The following TMEM132D variants were observed in gnomAD, a reference collection of about 807,000 sequenced individuals.
The protein encoded by TMEM132D is transmembrane protein 132D, also known as mature OL transmembrane protein.
In TMEM132D, 21 loss-of-function variants were observed where a neutral mutation model predicts 62.3. That is an observed-to-expected ratio of 0.34 (90% confidence interval 0.24 to 0.49). The LOEUF (loss-of-function observed/expected upper bound fraction) is 0.49, where lower values mean the gene tolerates loss of function less well. TMEM132D is among the 20% of genes least tolerant of loss of function. The pLI, the probability that TMEM132D is intolerant of heterozygous loss-of-function variation, is 0.99. For synonymous variants in TMEM132D, 621 were observed against 575.6 expected (o/e 1.08, Z -1.13); for missense variants, 1,346 against 1,402.8 (o/e 0.96, Z 0.65).
chr12:129,139,720 G>A (rs562624149), intron 5 of TMEM132D, among the ~76,000 whole-genome samples: 58 of 152,166 alleles, frequency 3.8e-4, no homozygotes, highest in African/African-American at 1.3e-3. Flanking sequence ...GAGACAGGAC[G>A]TTGCTCTGTT....
chr12:129,854,872 C>A (rs1873668390), intron 1 of TMEM132D: 1 of 152,270 alleles, frequency 6.6e-6, no homozygotes, highest in Non-Finnish European at 1.5e-5. Context: ...GACTGTGCTG[C>A]CTTACTGAAA....
chr12:129,465,038 T>C (rs1301517310), intron 3 of TMEM132D, among the ~76,000 whole-genome samples: 2 of 151,746 alleles, frequency 1.3e-5, no homozygotes, highest in Admixed American at 6.6e-5. Context: ...GGGGATGGCA[T>C]TGAATCTATT....
At chr12:129,335,639 A>C (rs1171822849) in intron 4 of TMEM132D, among the ~76,000 whole-genome samples, 1 of 152,208 alleles carries the variant, frequency 6.6e-6, no homozygotes, top group Non-Finnish European at 1.5e-5. Context: ...AACAGGTACT[A>C]AGATGAGGGA....
In TMEM132D at chr12:129,786,662, G is replaced by A. The variant is rs555554587; in HGVS notation, c.80-85964C>T. Among the ~76,000 whole-genome samples the A allele has an allele frequency of 2.4e-4, 37 of 152,306 alleles. No individual in the cohort carries two copies. The East Asian group carries it at 6.4e-3, about 26-fold the overall frequency. ...CCCCAGCACTCTGGGAGGCCAAGGC[G>A]GGCAGATCACCTGAGGTCGGGAGTT... On this transcript the variant is annotated intron_variant, in intron 1 of 8. Transcript: ENST00000422113.
chr12:129,681,629 T>A lies in TMEM132D; in HGVS notation c.968+18181A>T, dbSNP rs1262399897. Reference sequence around the variant, plus strand: ...AAAAGTCAAAGCTTCCTTTGATCTATCCTCAGAAGCTCCAGATCATCACTT... The same window carrying A: ...AAAAGTCAAAGCTTCCTTTGATCTAACCTCAGAAGCTCCAGATCATCACTT... On this transcript the variant is annotated intron_variant, in intron 2 of 8. Coordinates refer to ENST00000422113, the MANE Select transcript of TMEM132D (RefSeq NM_133448.3). 2.0e-5 allele frequency: 3 copies of A among 152,232 alleles called. No homozygotes were observed. In the East Asian group the frequency reaches 5.8e-4, roughly 29 times the overall value. The allele number at this position is 152,232 out of a possible 1,614,324, so 9.4% of individuals were successfully genotyped here.
At chr12:129,327,201 C>G (rs1470445016) in intron 4 of TMEM132D, among the ~76,000 whole-genome samples, 1 of 152,100 alleles carries the variant, frequency 6.6e-6, no homozygotes, top group African/African-American at 2.4e-5. Flanking sequence ...TGAATTCAAG[C>G]AGAAGCCAGT....
intron 1 of TMEM132D, among the ~76,000 whole-genome samples, chr12:129,819,638 T>A (rs1872488321): frequency 6.6e-6 from 1 of 152,100 alleles, no homozygotes; most frequent in Non-Finnish European, 1.5e-5. Flanking sequence ...GAAACGGGGA[T>A]GAAATTAGCC....
At chr12:129,522,122 T>A (rs1875866885) in intron 3 of TMEM132D, among the ~76,000 whole-genome samples, 1 of 152,130 alleles carries the variant, frequency 6.6e-6, no homozygotes, top group African/African-American at 2.4e-5. Context: ...TGTCAGTTAG[T>A]CACCAGGGTT....
At chr12:129,180,191 G>A (rs759151449) in intron 5 of TMEM132D, among the ~76,000 whole-genome samples, 1 of 150,738 alleles carries the variant, frequency 6.6e-6, no homozygotes, top group African/African-American at 2.4e-5. Flanking sequence ...CAGTGCATTC[G>A]TAAGCAGCAC....
intron 5 of TMEM132D, among the ~76,000 whole-genome samples, chr12:129,168,826 C>G (rs11060178): frequency 0.099 from 15,019 of 152,154 alleles, 852 homozygotes; most frequent in South Asian, 0.11. Context: ...GGGAATCACC[C>G]TTGGTTGAGA....
chr12:129,620,751 T>G (rs904391894), intron 2 of TMEM132D, among the ~76,000 whole-genome samples: 1 of 152,042 alleles, frequency 6.6e-6, no homozygotes, highest in African/African-American at 2.4e-5. Context: ...TGTTCTCACT[T>G]AAAAGTGGGA....
chr12:129,464,302 G>A lies in TMEM132D; in HGVS notation c.1115+66757C>T, dbSNP rs527775759. On this transcript the variant is annotated intron_variant, in intron 3 of 8. Coordinates refer to ENST00000422113, the MANE Select transcript of TMEM132D (RefSeq NM_133448.3). Reference sequence around the variant, plus strand: ...TGAGAAGTGTCTGTTCATATCCTTCGCCCACTTTTTGATGGGGTTGTTTTT... The same window carrying A: ...TGAGAAGTGTCTGTTCATATCCTTCACCCACTTTTTGATGGGGTTGTTTTT... 1.4e-3 allele frequency among the ~76,000 whole-genome samples: 220 copies of A among 152,210 alleles called. 3 individuals carry two copies. The highest frequency in any genetic ancestry group is 3.3e-3 in the South Asian group (16 of 4,824).
At chr12:129,360,613 C>T (rs1870214223) in intron 3 of TMEM132D, among the ~76,000 whole-genome samples, 1 of 151,462 alleles carries the variant, frequency 6.6e-6, no homozygotes, top group Non-Finnish European at 1.5e-5. Context: ...CAGCTGGGGG[C>T]TCTGGCCAGG....
chr12:129,239,349 C>T (rs181715005), intron 4 of TMEM132D, among the ~76,000 whole-genome samples: 48 of 152,278 alleles, frequency 3.2e-4, no homozygotes, highest in Non-Finnish European at 5.0e-4. Context: ...AGAGGTTTTA[C>T]ATTTAGGTCT....
At chr12:129,530,630 T>C (rs1273369754) in intron 3 of TMEM132D, among the ~76,000 whole-genome samples, 3 of 152,240 alleles carry the variant, frequency 2.0e-5, no homozygotes, top group Non-Finnish European at 2.9e-5. Flanking sequence ...ATATGCATTG[T>C]ATTTAAATAT....
At chr12:129,555,143 C>G (rs1877019035) in intron 2 of TMEM132D, among the ~76,000 whole-genome samples, 1 of 152,168 alleles carries the variant, frequency 6.6e-6, no homozygotes, top group Non-Finnish European at 1.5e-5. Flanking sequence ...GCCTTCATTT[C>G]CACGTTGGAA....
rs117558239 is a variant in TMEM132D, at chr12:129,772,419, C to T, written c.80-71721G>A. ...TTAAATGGGAAAAAGAGTCCAGTAT[C>T]ATATAGGGGGGAAAAGTTGCATATT... On this transcript the variant is annotated intron_variant, in intron 1 of 8. Transcript: ENST00000422113. Among the ~76,000 whole-genome samples the T allele has an allele frequency of 2.6e-3, 394 of 152,198 alleles. 2 individuals carry two copies. Among genetic ancestry groups the T allele is most frequent in the Middle Eastern group, 0.017 (5 of 294 alleles).
chr12:129,413,793 T>TTTA (rs1373971292), intron 3 of TMEM132D, among the ~76,000 whole-genome samples: 3 of 152,194 alleles, frequency 2.0e-5, no homozygotes, highest in Admixed American at 2.0e-4. Flanking sequence ...ATGGTAAATT[T>TTTA]TATAATAGAG....
At chr12:129,208,103 A>G (rs778122234) in intron 5 of TMEM132D, among the ~76,000 whole-genome samples, 1 of 152,132 alleles carries the variant, frequency 6.6e-6, no homozygotes, top group African/African-American at 2.4e-5. Flanking sequence ...TGGCTGTAGC[A>G]CTAAAGAGGG....
Sources: gnomAD v4.1 joint callset for allele counts (sites outside exome capture counted in the v4.1 genomes callset) on GRCh38, gnomAD v4.1.1 for gene constraint, MANE v1.5 for transcripts, NCBI Gene and HGNC (gene_info 2026-07-23, HGNC 2026-07-21) for gene names.